JPH1: variants seen among roughly 807,000 people sequenced by gnomAD.
The protein encoded by JPH1 is junctophilin-1.
Under a neutral mutation model 53.6 loss-of-function variants are expected in JPH1, and 12 were observed. That is an observed-to-expected ratio of 0.22 (90% CI 0.14 to 0.36). JPH1 has a LOEUF of 0.36. JPH1 is among the 10% of genes least tolerant of loss of function. The pLI is 1.00. For missense variants in JPH1, 808 were observed against 905.5 expected, an observed-to-expected ratio of 0.89 and a Z score of 1.38; for synonymous variants, 375 against 363.8, an observed-to-expected ratio of 1.03 and a Z score of -0.35.
At chr8:74,248,404 G>A (rs1292966134) in intron 3 of JPH1, among the ~76,000 whole-genome samples, 2 of 152,204 alleles carry the variant, frequency 1.3e-5, no homozygotes, top group African/African-American at 4.8e-5. Context: ...CAGAGCATCT[G>A]AGGTGTTATG....
intron 4 of JPH1, among the ~76,000 whole-genome samples, chr8:74,238,205 G>A (rs1390564453): frequency 1.3e-5 from 2 of 152,156 alleles, no homozygotes; most frequent in African/African-American, 4.8e-5. Flanking sequence ...TTACAGAAGA[G>A]GAAACAGTGG....
At chr8:74,267,964 G>A (rs773419729) in intron 2 of JPH1, among the ~76,000 whole-genome samples, 1 of 152,108 alleles carries the variant, frequency 6.6e-6, no homozygotes, top group Non-Finnish European at 1.5e-5. Flanking sequence ...AAACTTGAAG[G>A]AGCCTAAGCT....
At chr8:74,279,803 C>T (rs934071031) in intron 2 of JPH1, among the ~76,000 whole-genome samples, 4 of 152,180 alleles carry the variant, frequency 2.6e-5, no homozygotes, top group African/African-American at 4.8e-5. Context: ...TCAATAAAAC[C>T]TAAGAATTCT....
chr8:74,256,354 G>A (rs10957704), intron 3 of JPH1, among the ~76,000 whole-genome samples: 3,175 of 149,502 alleles, frequency 0.021, 71 homozygotes, highest in East Asian at 0.12. Flanking sequence ...AGAACACATG[G>A]ACACAGGAAG....
chr8:74,251,958 T>C (rs57682164), intron 3 of JPH1, among the ~76,000 whole-genome samples: 2,136 of 152,258 alleles, frequency 0.014, 65 homozygotes, highest in African/African-American at 0.049. Flanking sequence ...AGCATGGTAC[T>C]GCTACCAAAA....
chr8:74,289,930 G>A (rs972318468), intron 2 of JPH1, among the ~76,000 whole-genome samples: 3 of 152,152 alleles, frequency 2.0e-5, no homozygotes, highest in East Asian at 1.9e-4. Context: ...CAACTTGATC[G>A]TGGTGGATAA....
chr8:74,299,317 T>C (rs949596193), intron 2 of JPH1, among the ~76,000 whole-genome samples: 1 of 152,198 alleles, frequency 6.6e-6, no homozygotes, highest in Admixed American at 6.5e-5. Flanking sequence ...GGGTGTTAAG[T>C]GTAGCCTAAA....
At chr8:74,266,472 C>T (rs1471619137) in intron 2 of JPH1, among the ~76,000 whole-genome samples, 1 of 152,122 alleles carries the variant, frequency 6.6e-6, no homozygotes, top group Admixed American at 6.6e-5. Context: ...ACAAATATTA[C>T]ACGCGGTACC....
chr8:74,295,760 G>A (rs1039703294), intron 2 of JPH1, among the ~76,000 whole-genome samples: 3 of 152,122 alleles, frequency 2.0e-5, no homozygotes, highest in Non-Finnish European at 2.9e-5. Context: ...CAGCTTGCCT[G>A]CAGATGGGTC....
At chr8:74,245,823 GGATT>G in intron 3 of JPH1, among the ~76,000 whole-genome samples, 1 of 150,296 alleles carries the variant, frequency 6.7e-6, no homozygotes, top group African/African-American at 2.5e-5. Flanking sequence ...ATATACCTCA[GGATT>G]GTTTATAAAA....
Position 74,321,024 on chromosome 8 carries a change from A to G in JPH1, c.264T>C (p.His88=). 1 of 1,612,952 alleles carries G rather than the reference A, an allele frequency of 6.2e-7. No individual in the cohort carries two copies. The change falls in exon 1 of 6, where the codon CAT becomes CAC. Residue 88 remains histidine (H), a synonymous_variant. Coordinates refer to ENST00000342232, the MANE Select transcript of JPH1 (RefSeq NM_020647.4). This position sits in a 1 kb window ranked among gnomAD's most constrained non-coding sequence, Gnocchi z 4.3. ...GKWMYRGEWS[H]GFKGRYGVRQ... is the part of the protein sequence containing the mutation. ...GGACCCCGTAGCGCCCCTTGAAACCATGTGACCACTCCCCCCGGTACATCC... is the reference window on the plus strand; with the variant it reads ...GGACCCCGTAGCGCCCCTTGAAACCGTGTGACCACTCCCCCCGGTACATCC...
Position 74,315,447 on chromosome 8 carries a change from T to G in JPH1, c.553A>C (p.Ser185Arg). Residue 185 changes from serine (S) to arginine (R), a missense_variant, in exon 2 of 6, where the codon AGC (serine) becomes CGC (arginine). By Grantham distance (110) the Ser-to-Arg change is moderately radical. Transcript: ENST00000342232. This position sits in a 1 kb window ranked among gnomAD's most constrained non-coding sequence, Gnocchi z 6.3. The part of the protein sequence containing the change: ...VLHDAAAAAD[S>R]PAGTRGGFVL... ...AAACCGCCGCGGGTGCCGGCCGGGCTGTCGGCGGCGGCTGCGGCGTCGTGG... is the reference window on the plus strand; with the variant it reads ...AAACCGCCGCGGGTGCCGGCCGGGCGGTCGGCGGCGGCTGCGGCGTCGTGG... 1 of 1,609,632 alleles carries G rather than the reference T, an allele frequency of 6.2e-7. No individual in the cohort carries two copies. The highest frequency in any genetic ancestry group is 8.5e-7 in the Non-Finnish European group (1 of 1,178,488).
At chr8:74,266,027 G>C (rs1021929119) in intron 2 of JPH1, among the ~76,000 whole-genome samples, 1 of 151,252 alleles carries the variant, frequency 6.6e-6, no homozygotes, top group Non-Finnish European at 1.5e-5. Context: ...AGAGGGAATG[G>C]AAAATGGTGC....
intron 2 of JPH1, among the ~76,000 whole-genome samples, chr8:74,308,930 C>CT (rs1471660575): frequency 6.6e-6 from 1 of 152,138 alleles, no homozygotes; most frequent in East Asian, 1.9e-4. Flanking sequence ...GCAATATATC[C>CT]TTTTTTATAC....
chr8:74,292,834 C>G (rs1807378847), intron 2 of JPH1, among the ~76,000 whole-genome samples: 1 of 152,154 alleles, frequency 6.6e-6, no homozygotes, highest in Non-Finnish European at 1.5e-5. Flanking sequence ...CCAATCAAGT[C>G]CTGTTTAGCA....
At chr8:74,292,763 T>C (rs1002048325) in intron 2 of JPH1, among the ~76,000 whole-genome samples, 2 of 152,176 alleles carry the variant, frequency 1.3e-5, no homozygotes, top group Admixed American at 6.5e-5. Flanking sequence ...ATCAAAGCCA[T>C]ATGAGGTAGC....
chr8:74,239,192 T>G (rs951063279), intron 4 of JPH1, among the ~76,000 whole-genome samples: 3 of 152,200 alleles, frequency 2.0e-5, no homozygotes, highest in Non-Finnish European at 4.4e-5. Flanking sequence ...TGAGATTTTT[T>G]TTTTTGTTTA....
intron 2 of JPH1, among the ~76,000 whole-genome samples, chr8:74,297,552 T>TCCCAGGG (rs1470993106): frequency 1.3e-5 from 2 of 151,622 alleles, no homozygotes; most frequent in African/African-American, 4.9e-5. Flanking sequence ...TTAAAATGCC[T>TCCCAGGG]AGTAATGTCC....
chr8:74,235,555 G>A lies in JPH1; in HGVS notation c.*1496C>T, dbSNP rs1806974091. ...CAAATCATGAAAATATTTAGGAGTAGCTCCCCCTCTGCAATGTAATGTTTT... is the reference window on the plus strand; with the variant it reads ...CAAATCATGAAAATATTTAGGAGTAACTCCCCCTCTGCAATGTAATGTTTT... On this transcript the variant is annotated 3_prime_UTR_variant, in exon 6 of 6. Transcript: ENST00000342232. 1 of 152,150 alleles carries A rather than the reference G, an allele frequency of 6.6e-6. No homozygotes were observed. Among genetic ancestry groups the A allele is most frequent in the Non-Finnish European group, 1.5e-5 (1 of 67,956 alleles). The allele number at this position is 152,150 out of a possible 1,614,324, so 9.4% of individuals were successfully genotyped here.
Sources: allele counts gnomAD v4.1 joint callset (sites outside exome capture counted in the v4.1 genomes callset), GRCh38; gene constraint gnomAD v4.1.1; non-coding constraint Gnocchi (gnomAD v3.1); transcripts MANE v1.5; gene names NCBI Gene and HGNC (gene_info 2026-07-23, HGNC 2026-07-21).